The following ARHGAP25 variants were observed in gnomAD, a reference collection of about 807,000 sequenced individuals.
ARHGAP25 encodes rho GTPase-activating protein 25.
In ARHGAP25, 34 loss-of-function variants were observed where a neutral mutation model predicts 71.0. That is an observed-to-expected ratio of 0.48 (90% confidence interval 0.36 to 0.64). The LOEUF is 0.64. Among genes scored for constraint, ARHGAP25 ranks in the 30% least tolerant of loss-of-function variants. The pLI is 0.00. For missense variants in ARHGAP25, 706 were observed against 805.1 expected, an observed-to-expected ratio of 0.88 and a Z score of 1.49; for synonymous variants, 282 against 296.5, an observed-to-expected ratio of 0.95 and a Z score of 0.50.
In ARHGAP25 at chr2:68,807,476, G is replaced by A; in HGVS notation, c.670G>A (p.Asp224Asn). 2 of 1,614,010 alleles carry A rather than the reference G, an allele frequency of 1.2e-6. No homozygotes were observed. The highest frequency in any genetic ancestry group is 1.7e-6 in the Non-Finnish European group (2 of 1,179,976). Reference sequence around the variant, plus strand: ...TGATGCTGGGGAGCGGCCCTCCTTTGACAGGTACATTGCCCCACTGCAGTG... The same window carrying A: ...TGATGCTGGGGAGCGGCCCTCCTTTAACAGGTACATTGCCCCACTGCAGTG... ...AFDAGERPSF[D>N]RDTDVHTVAS... Residue 224 changes from aspartate (D) to asparagine (N), a missense_variant, in exon 5 of 11, where the codon GAC becomes AAC. Physicochemically the swap from Asp to Asn is conservative, Grantham distance 23 (BLOSUM62 1). Transcript: ENST00000409202.
chr2:68,728,554 A>G (rs1674935673), intron 2 of ARHGAP25, among the ~76,000 whole-genome samples: 1 of 152,192 alleles, frequency 6.6e-6, no homozygotes, highest in Non-Finnish European at 1.5e-5. Context: ...AATTTTTAAT[A>G]AAAGCAATGA....
intron 1 of ARHGAP25, among the ~76,000 whole-genome samples, chr2:68,759,979 A>G (rs1189653065): frequency 6.6e-6 from 1 of 152,060 alleles, no homozygotes; most frequent in Admixed American, 6.6e-5. Flanking sequence ...ACAATAAAAG[A>G]TTATAAATCC....
At chr2:68,763,337 C>T (rs991116368) in intron 1 of ARHGAP25, among the ~76,000 whole-genome samples, 2 of 152,188 alleles carry the variant, frequency 1.3e-5, no homozygotes, top group Admixed American at 6.5e-5. Context: ...AGATTCTCTG[C>T]TGTACTTCAT....
intron 1 of ARHGAP25, among the ~76,000 whole-genome samples, chr2:68,759,336 G>A (rs7587434): frequency 0.6 from 91,146 of 150,934 alleles, 28,088 homozygotes; most frequent in South Asian, 0.67. Flanking sequence ...AAGCCTTTTG[G>A]TAGATGGATA....
chr2:68,759,396 G>C (rs1371343216), intron 1 of ARHGAP25, among the ~76,000 whole-genome samples: 1 of 151,272 alleles, frequency 6.6e-6, no homozygotes, highest in Non-Finnish European at 1.5e-5. Flanking sequence ...ATGAAAGTGA[G>C]GGTATTACCA....
chr2:68,752,149 G>C (rs1271994695), intron 1 of ARHGAP25, among the ~76,000 whole-genome samples: 1 of 152,176 alleles, frequency 6.6e-6, no homozygotes, highest in African/African-American at 2.4e-5. Context: ...ATAGAGGGCA[G>C]GCAGCAAAAT....
chr2:68,797,587 G>T (rs141901835), intron 4 of ARHGAP25, among the ~76,000 whole-genome samples: 446 of 152,310 alleles, frequency 2.9e-3, no homozygotes, highest in African/African-American at 0.01. Context: ...CTCCACACTT[G>T]CTTCTCAGAA....
At chr2:68,729,140 C>A (rs1023089723) in intron 2 of ARHGAP25, among the ~76,000 whole-genome samples, 1 of 152,140 alleles carries the variant, frequency 6.6e-6, no homozygotes, top group Non-Finnish European at 1.5e-5. Context: ...TATGGAGTTT[C>A]TTTTGTGGAA....
At chr2:68,822,226 T>A (rs1456730209) in intron 9 of ARHGAP25, 114 bp from the exon 10 acceptor site, 1 of 1,023,570 alleles carries the variant, frequency 9.8e-7, no homozygotes, top group Non-Finnish European at 1.4e-6. Flanking sequence ...CATTAAGAAT[T>A]TCATAGGTAT....
At chr2:68,824,516 G>T (rs1391390436) in intron 10 of ARHGAP25, among the ~76,000 whole-genome samples, 1 of 152,228 alleles carries the variant, frequency 6.6e-6, no homozygotes, top group East Asian at 1.9e-4. Flanking sequence ...GCCAAGGTGG[G>T]TGAATCACGA....
Position 68,792,687 on chromosome 2 carries a change from T to C in ARHGAP25, c.466+4731T>C, listed in dbSNP as rs1193379532. On this transcript the variant is annotated intron_variant, in intron 4 of 10. Coordinates refer to ENST00000409202, the MANE Select transcript of ARHGAP25 (RefSeq NM_001007231.3). ...CATCCGATCATCTGTTGATGGACAG[T>C]TAGGTTGATTCCATATCTTTGCCAT... Among the ~76,000 whole-genome samples, 5 of 152,236 alleles carry C rather than the reference T, an allele frequency of 3.3e-5. No homozygotes were observed. In the East Asian group the frequency reaches 9.6e-4, roughly 29 times the overall value.
At chr2:68,749,102 G>A (rs1437329017) in intron 1 of ARHGAP25, among the ~76,000 whole-genome samples, 1 of 152,112 alleles carries the variant, frequency 6.6e-6, no homozygotes, top group Non-Finnish European at 1.5e-5. Flanking sequence ...ACAGGGGTGA[G>A]GGAGAGGCAG....
At chr2:68,806,740 G>C (rs1295473963) in intron 4 of ARHGAP25, among the ~76,000 whole-genome samples, 1 of 152,176 alleles carries the variant, frequency 6.6e-6, no homozygotes, top group Non-Finnish European at 1.5e-5. Context: ...GACTGCAGTT[G>C]ACCGTGGATA....
chr2:68,792,825 T>G (rs1679279420), intron 4 of ARHGAP25, among the ~76,000 whole-genome samples: 1 of 152,226 alleles, frequency 6.6e-6, no homozygotes, highest in African/African-American at 2.4e-5. Flanking sequence ...GATAGTTTTA[T>G]TTTTAGTTTT....
intron 1 of ARHGAP25, among the ~76,000 whole-genome samples, chr2:68,766,734 T>C (rs1022616935): frequency 4.8e-5 from 7 of 146,860 alleles, no homozygotes; most frequent in South Asian, 2.1e-4. Flanking sequence ...CTCTCTCTCT[T>C]GTTCTCACTC....
intron 2 of ARHGAP25, among the ~76,000 whole-genome samples, chr2:68,727,557 C>T (rs1573382365): frequency 1.3e-5 from 2 of 152,180 alleles, no homozygotes; most frequent in African/African-American, 4.8e-5. Flanking sequence ...AAACCTCCCC[C>T]GGCTTTGTGC....
intron 1 of ARHGAP25, among the ~76,000 whole-genome samples, chr2:68,752,815 T>G (rs545100830): frequency 6.6e-6 from 1 of 152,276 alleles, no homozygotes; most frequent in East Asian, 1.9e-4. Flanking sequence ...TGTGAAATAA[T>G]ATACTATGCT....
At chr2:68,777,320 C>T (rs963861557) in intron 2 of ARHGAP25, among the ~76,000 whole-genome samples, 1 of 152,180 alleles carries the variant, frequency 6.6e-6, no homozygotes, top group Non-Finnish European at 1.5e-5. Context: ...CCTGGTTCCA[C>T]CACTATTTGG....
At chr2:68,744,466 G>A (rs1245858646) in intron 1 of ARHGAP25, among the ~76,000 whole-genome samples, 3 of 152,134 alleles carry the variant, frequency 2.0e-5, no homozygotes, top group African/African-American at 7.2e-5. Flanking sequence ...TCAGAATTAA[G>A]AAGATGAAAA....
Sources: allele counts gnomAD v4.1 joint callset (sites outside exome capture counted in the v4.1 genomes callset), GRCh38; gene constraint gnomAD v4.1.1; transcripts MANE v1.5; gene names NCBI Gene and HGNC (gene_info 2026-07-23, HGNC 2026-07-21).